The following NLGN1 variants were observed in gnomAD, a reference collection of about 807,000 sequenced individuals.
NLGN1 encodes neuroligin 1, also known as neuroligin-1.
In NLGN1, 12 loss-of-function variants were observed where a neutral mutation model predicts 65.5. The observed-to-expected ratio is 0.18, with a 90% confidence interval of 0.12 to 0.30. The LOEUF (loss-of-function observed/expected upper bound fraction) is 0.30. Among genes scored for constraint, NLGN1 ranks in the 10% least tolerant of loss-of-function variants. The probability of loss-of-function intolerance (pLI) is 1.00; values close to 1 mark genes in which losing one functional copy is unlikely to be tolerated. For missense variants in NLGN1, 750 were observed against 1,007.1 expected, an observed-to-expected ratio of 0.74 and a Z score of 3.46; for synonymous variants, 350 against 359.5, an observed-to-expected ratio of 0.97 and a Z score of 0.30.
At chr3:174,125,190 T>C (rs1718667630) in intron 4 of NLGN1, among the ~76,000 whole-genome samples, 1 of 152,104 alleles carries the variant, frequency 6.6e-6, no homozygotes, top group South Asian at 2.1e-4. Flanking sequence ...TTAATAGATT[T>C]TCAGATTTGA....
intron 2 of NLGN1, among the ~76,000 whole-genome samples, chr3:173,502,581 G>T (rs1341463186): frequency 6.6e-6 from 1 of 152,102 alleles, no homozygotes; most frequent in Non-Finnish European, 1.5e-5. Context: ...GCACGTATGT[G>T]TGTATGTTTC....
chr3:173,781,998 G>C (rs1197533853), intron 3 of NLGN1, among the ~76,000 whole-genome samples: 1 of 152,124 alleles, frequency 6.6e-6, no homozygotes, highest in Non-Finnish European at 1.5e-5. Flanking sequence ...AGATAGAGTA[G>C]ATCAATTTAT....
intron 3 of NLGN1, among the ~76,000 whole-genome samples, chr3:173,716,269 C>G (rs1578098447): frequency 1.3e-5 from 2 of 152,068 alleles, no homozygotes; most frequent in Admixed American, 1.3e-4. Context: ...AGATGGGTCA[C>G]AGATTTTGTA....
chr3:174,044,006 C>A (rs1238828840), intron 4 of NLGN1, among the ~76,000 whole-genome samples: 3 of 152,234 alleles, frequency 2.0e-5, no homozygotes, highest in Non-Finnish European at 2.9e-5. Flanking sequence ...CACTTCTGCA[C>A]ACCTGCAAAC....
intron 1 of NLGN1, among the ~76,000 whole-genome samples, chr3:173,414,809 G>A (rs1713346989): frequency 6.6e-6 from 1 of 152,172 alleles, no homozygotes; most frequent in African/African-American, 2.4e-5. Context: ...TGAAGTGGGT[G>A]GTTTTGAGAA....
intron 4 of NLGN1, among the ~76,000 whole-genome samples, chr3:174,025,027 T>C (rs1277260577): frequency 1.3e-5 from 2 of 152,244 alleles, no homozygotes; most frequent in Non-Finnish European, 2.9e-5. Flanking sequence ...TAATTATTTC[T>C]AGTAGTAATA....
At chr3:174,260,401 A>T (rs1276043218) in intron 4 of NLGN1, among the ~76,000 whole-genome samples, 1 of 150,910 alleles carries the variant, frequency 6.6e-6, no homozygotes, top group Non-Finnish European at 1.5e-5. Flanking sequence ...ATGGTATCTC[A>T]TTGTGGTTTT....
chr3:173,861,571 C>T (rs987009083), intron 4 of NLGN1, among the ~76,000 whole-genome samples: 3 of 141,676 alleles, frequency 2.1e-5, no homozygotes, highest in Non-Finnish European at 1.5e-5. Context: ...TACACACACA[C>T]ATATATATAC....
At chr3:173,852,255 C>CTGAGGCAGGAGAATGGCG (rs1727091987) in intron 4 of NLGN1, among the ~76,000 whole-genome samples, 1 of 141,044 alleles carries the variant, frequency 7.1e-6, no homozygotes, top group African/African-American at 2.6e-5. Context: ...ACTCGGGAGG[C>CTGAGGCAGGAGAATGGCG]TGAGGCAGGA....
intron 3 of NLGN1, among the ~76,000 whole-genome samples, chr3:173,735,773 T>C (rs1012368894): frequency 2.6e-5 from 4 of 152,130 alleles, no homozygotes; most frequent in Admixed American, 6.6e-5. Flanking sequence ...GTTAGACTTG[T>C]CACTCTTAGG....
intron 2 of NLGN1, among the ~76,000 whole-genome samples, chr3:173,458,187 CAG>C (rs1288064574): frequency 6.6e-6 from 1 of 151,972 alleles, no homozygotes; most frequent in African/African-American, 2.4e-5. Flanking sequence ...TGGGAAGAAA[CAG>C]AGGGTGAGAG....
chr3:174,012,086 G>A (rs1256821748), intron 4 of NLGN1, among the ~76,000 whole-genome samples: 1 of 152,122 alleles, frequency 6.6e-6, no homozygotes, highest in Non-Finnish European at 1.5e-5. Context: ...AATGGCTCAA[G>A]TTCTCTCCTT....
intron 4 of NLGN1, among the ~76,000 whole-genome samples, chr3:173,901,806 C>G (rs1737431537): frequency 6.6e-6 from 1 of 152,022 alleles, no homozygotes. Context: ...CACTGCACTG[C>G]CCTTCAAGAA....
At chr3:173,920,899 A>G (rs932051197) in intron 4 of NLGN1, 31 of 152,112 alleles carry the variant, frequency 2.0e-4, no homozygotes, top group African/African-American at 7.2e-4. Context: ...AAATGTATAC[A>G]TATGTTTAAA....
intron 3 of NLGN1, among the ~76,000 whole-genome samples, chr3:173,735,152 C>T (rs1042784339): frequency 6.6e-6 from 1 of 152,050 alleles, no homozygotes; most frequent in Admixed American, 6.6e-5. Context: ...TTCCAGGTTC[C>T]TGTAACTATG....
chr3:173,714,111 C>T (rs1159904840), intron 3 of NLGN1, among the ~76,000 whole-genome samples: 1 of 152,046 alleles, frequency 6.6e-6, no homozygotes, highest in African/African-American at 2.4e-5. Flanking sequence ...AATTGGTTGT[C>T]ATGATGGTAT....
At chr3:173,935,170 T>A (rs1438600769) in intron 4 of NLGN1, among the ~76,000 whole-genome samples, 2 of 151,932 alleles carry the variant, frequency 1.3e-5, no homozygotes. Context: ...CAGGCCCTCA[T>A]CATTTTGCAT....
chr3:173,571,935 ACT>A (rs1744714652), intron 2 of NLGN1, among the ~76,000 whole-genome samples: 1 of 152,124 alleles, frequency 6.6e-6, no homozygotes, highest in South Asian at 2.1e-4. Context: ...GAAATAGATA[ACT>A]CTGTCTTTCT....
intron 4 of NLGN1, among the ~76,000 whole-genome samples, chr3:174,202,259 T>A (rs1734635655): frequency 6.6e-6 from 1 of 152,196 alleles, no homozygotes; most frequent in Non-Finnish European, 1.5e-5. Context: ...TATTTTATTC[T>A]TGTTCCCTGC....
Sources: gnomAD v4.1 joint callset for allele counts (sites outside exome capture counted in the v4.1 genomes callset) on GRCh38, gnomAD v4.1.1 for gene constraint, MANE v1.5 for transcripts, NCBI Gene and HGNC (gene_info 2026-07-23, HGNC 2026-07-21) for gene names.